ELOVL4: variants seen among roughly 807,000 people sequenced by gnomAD.
ELOVL4 encodes the protein ELOVL fatty acid elongase 4.
Under a neutral mutation model 42.1 loss-of-function variants are expected in ELOVL4, and 18 were observed. The observed-to-expected ratio is 0.43, with a 90% confidence interval of 0.30 to 0.63. The LOEUF (loss-of-function observed/expected upper bound fraction) is 0.63. Among genes scored for constraint, ELOVL4 ranks in the 30% least tolerant of loss-of-function variants. The pLI, the probability that ELOVL4 is intolerant of heterozygous loss-of-function variation, is 0.15. For missense variants in ELOVL4, 299 were observed against 376.2 expected, an observed-to-expected ratio of 0.79 and a Z score of 1.70; for synonymous variants, 117 against 127.0, an observed-to-expected ratio of 0.92 and a Z score of 0.53.
intron 3 of ELOVL4, among the ~76,000 whole-genome samples, chr6:79,924,576 C>T (rs1774312606): frequency 6.6e-6 from 1 of 152,162 alleles, no homozygotes. Context: ...TGGCTCACAC[C>T]TGTAATCTCA....
At position 79,940,060 on chromosome 6, in the gene ELOVL4, C is replaced by T. The variant is rs185617961; in HGVS notation, c.100+7120G>A. 1.2e-3 allele frequency among the ~76,000 whole-genome samples: 175 copies of T among 152,166 alleles called. 1 individual carries two copies. Among genetic ancestry groups the T allele is most frequent in the African/African-American group, 3.9e-3 (162 of 41,504 alleles). On this transcript the variant is annotated intron_variant, in intron 1 of 5. Coordinates refer to ENST00000369816, the MANE Select transcript of ELOVL4 (RefSeq NM_022726.4). Reference sequence around the variant, plus strand: ...CTACTGTGAATAATGCTGCTATGTACGTGTGTGAAAAAATATATAAAATTA... The same window carrying T: ...CTACTGTGAATAATGCTGCTATGTATGTGTGTGAAAAAATATATAAAATTA...
intron 3 of ELOVL4, among the ~76,000 whole-genome samples, chr6:79,922,370 T>C (rs139638076): frequency 1.0e-3 from 158 of 151,922 alleles, no homozygotes; most frequent in African/African-American, 3.6e-3. Context: ...AAATAAAAAA[T>C]TGGAATGAAC....
At chr6:79,919,620 A>G (rs2127698076) in intron 4 of ELOVL4, 73 bp from the exon 5 acceptor site, 1 of 1,268,892 alleles carries the variant, frequency 7.9e-7, no homozygotes, top group Non-Finnish European at 1.1e-6. Context: ...GATGTACAAT[A>G]AATGAATACA....
rs1369608792 is a variant in ELOVL4, at chr6:79,947,449, C to G, written c.-170G>C. The G allele has an allele frequency of 1.6e-6, 1 of 639,932 alleles. No homozygotes were observed. Among genetic ancestry groups the G allele is most frequent in the African/African-American group, 1.8e-5 (1 of 54,916 alleles). The allele number at this position is 639,932 out of a possible 1,614,324, so 39.6% of individuals were successfully genotyped here. A position where few individuals can be genotyped will look rare whatever the true frequency, so the allele number is the denominator to read the frequency against. On this transcript the variant is annotated 5_prime_UTR_variant, in exon 1 of 6. Transcript: ENST00000369816. ...TCAAGGCGCCGCGGCGGCGGGGATG[C>G]GGCAGAAGGCAGGGCCAAGCGGAAG... is the stretch of plus-strand genomic sequence containing the variant.
At chr6:79,932,152 G>T (rs1774455805) in intron 1 of ELOVL4, among the ~76,000 whole-genome samples, 1 of 152,128 alleles carries the variant, frequency 6.6e-6, no homozygotes, top group Admixed American at 6.5e-5. Flanking sequence ...TTTATTAAAA[G>T]GTTACGTAAT....
intron 5 of ELOVL4, 67 bp from the exon 6 acceptor site, chr6:79,916,950 C>T: frequency 1.3e-6 from 2 of 1,584,388 alleles, no homozygotes; most frequent in East Asian, 2.3e-5. Flanking sequence ...ACAACATCGG[C>T]ATCTTCTACA....
chr6:79,940,690 C>T (rs1398795922), intron 1 of ELOVL4, among the ~76,000 whole-genome samples: 1 of 152,148 alleles, frequency 6.6e-6, no homozygotes, highest in Non-Finnish European at 1.5e-5. Flanking sequence ...AACCCTCTCA[C>T]AGCACAGGTA....
intron 1 of ELOVL4, among the ~76,000 whole-genome samples, chr6:79,945,094 A>AAATACT (rs1227459797): frequency 6.6e-6 from 1 of 152,106 alleles, no homozygotes; most frequent in Non-Finnish European, 1.5e-5. Context: ...TGGACCTGAA[A>AAATACT]AATACTCCTC....
rs189239598 is a variant in ELOVL4, at chr6:79,925,568, T to C, written c.289-536A>G. Among the ~76,000 whole-genome samples the C allele has an allele frequency of 4.9e-4, 74 of 152,334 alleles. No individual in the cohort carries two copies. The East Asian group carries it at 0.013, about 26-fold the overall frequency. On this transcript the variant is annotated intron_variant, in intron 2 of 5. Coordinates refer to ENST00000369816, the MANE Select transcript of ELOVL4 (RefSeq NM_022726.4). ...AGTCTCTTAGGAAACAAATTCTTTA[T>C]ACATATGCAATTTAAAAAATGGCTG...
At chr6:79,945,195 C>G (rs1036878675) in intron 1 of ELOVL4, among the ~76,000 whole-genome samples, 8 of 152,118 alleles carry the variant, frequency 5.3e-5, no homozygotes, top group African/African-American at 1.9e-4. Flanking sequence ...TAGCTCATTA[C>G]AGAAAGCAAG....
intron 1 of ELOVL4, among the ~76,000 whole-genome samples, chr6:79,929,532 T>C (rs867734159): frequency 2.0e-5 from 3 of 152,156 alleles, no homozygotes; most frequent in African/African-American, 4.8e-5. Flanking sequence ...TGAGCCACCA[T>C]GCCCAGCCCA....
At chr6:79,943,790 G>A (rs764569735) in intron 1 of ELOVL4, among the ~76,000 whole-genome samples, 4 of 152,030 alleles carry the variant, frequency 2.6e-5, no homozygotes, top group Admixed American at 6.6e-5. Flanking sequence ...TCCACATTTC[G>A]TCATCCTACA....
chr6:79,920,080 T>G (rs1181642185), intron 4 of ELOVL4, among the ~76,000 whole-genome samples: 1 of 152,204 alleles, frequency 6.6e-6, no homozygotes, highest in Non-Finnish European at 1.5e-5. Context: ...AAGGTATAGA[T>G]GTAATAATAA....
intron 1 of ELOVL4, among the ~76,000 whole-genome samples, chr6:79,941,805 T>C (rs1774651118): frequency 6.6e-6 from 1 of 152,198 alleles, no homozygotes; most frequent in East Asian, 1.9e-4. Context: ...ATTAAGAGGG[T>C]CATCTCCTGA....
intron 1 of ELOVL4, among the ~76,000 whole-genome samples, chr6:79,934,742 T>A (rs1161584387): frequency 1.3e-5 from 2 of 152,164 alleles, no homozygotes; most frequent in East Asian, 1.9e-4. Flanking sequence ...GCCTTATAGA[T>A]GATAGTAGGG....
chr6:79,947,285 C>G lies in ELOVL4; in HGVS notation c.-6G>C, dbSNP rs1172159375. On this transcript the variant is annotated 5_prime_UTR_variant, in exon 1 of 6. Coordinates refer to ENST00000369816, the MANE Select transcript of ELOVL4 (RefSeq NM_022726.4). ...TCCGAGTCCAGGAGCCCCATCGCGG[C>G]GATGAGCGGGCGCTGGCGGCAGGAG... 6 of 1,609,626 alleles carry G rather than the reference C, an allele frequency of 3.7e-6. No individual in the cohort carries two copies. Among genetic ancestry groups the G allele is most frequent in the African/African-American group, 1.3e-5 (1 of 74,946 alleles).
In ELOVL4 at chr6:79,924,805, A is replaced by G. The variant is rs343625; in HGVS notation, c.369+147T>C. ...AGCTATGATCATACCACTGCACTTC[A>G]GTCTGGGGGACAGAGCAAGAAACTG... On this transcript the variant is annotated intron_variant, in intron 3 of 5. Coordinates refer to ENST00000369816, the MANE Select transcript of ELOVL4 (RefSeq NM_022726.4). The G allele has an allele frequency of 0.024, 15,194 of 632,066 alleles. 1,730 individuals carry two copies. The African/African-American group carries it at 0.25, about 10-fold the overall frequency. 39.2% of individuals were successfully genotyped at this position (632,066 alleles called of 1,614,324 possible).
At chr6:79,925,470 T>G (rs1235957066) in intron 2 of ELOVL4, among the ~76,000 whole-genome samples, 1 of 152,212 alleles carries the variant, frequency 6.6e-6, no homozygotes, top group Non-Finnish European at 1.5e-5. Flanking sequence ...AATATTTCTT[T>G]TTCTAAGAAG....
rs149577942 is a variant in ELOVL4 at position 79,925,006 on chromosome 6, T to A, written c.315A>T (p.Gly105=). The change falls in exon 3 of 6, where the codon GGA becomes GGT. Residue 105 remains glycine (G), a synonymous_variant. Transcript: ENST00000369816. The part of the protein sequence containing the change: ...RELFMGSYNA[G]YSYICQSVDY... ...CCACACTCTGGCAAATATAGCTATATCCCGCATTATATGATCCCATGAATA... is the reference window on the plus strand; with the variant it reads ...CCACACTCTGGCAAATATAGCTATAACCCGCATTATATGATCCCATGAATA... 38 of 1,606,390 alleles carry A rather than the reference T, an allele frequency of 2.4e-5. No individual in the cohort carries two copies. The African/African-American group carries it at 4.7e-4, about 20-fold the overall frequency.
Sources: gnomAD v4.1 joint callset for allele counts (sites outside exome capture counted in the v4.1 genomes callset) on GRCh38, gnomAD v4.1.1 for gene constraint, MANE v1.5 for transcripts, NCBI Gene and HGNC (gene_info 2026-07-23, HGNC 2026-07-21) for gene names.